ZNF253: variants seen among roughly 807,000 people sequenced by gnomAD.
ZNF253 encodes the protein zinc finger protein 253.
Under a neutral mutation model 11.9 loss-of-function variants are expected in ZNF253, and 8 were observed. That is an observed-to-expected ratio of 0.67 (90% CI 0.40 to 1.22). The LOEUF is 1.22. Ranked by LOEUF, ZNF253 falls within the 50% of genes most tolerant of loss-of-function variation. The pLI, the probability that ZNF253 is intolerant of heterozygous loss-of-function variation, is 0.01. For synonymous variants in ZNF253, 194 were observed against 194.9 expected (o/e 1.00, Z 0.04); for missense variants, 485 against 586.9 (o/e 0.83, Z 1.79).
rs1335370236 is a variant in ZNF253, at chr19:19,866,018, G to A, written c.3+19G>A. On this transcript the variant is annotated intron_variant, in intron 1 of 3. Coordinates refer to ENST00000589717, the MANE Select transcript of ZNF253 (RefSeq NM_021047.3). ...AGAAATGGTGAGTGCCGGGTCCAACGTCCCGAGAGAGGGGAGAGGCTGTTT... is the reference window on the plus strand; with the variant it reads ...AGAAATGGTGAGTGCCGGGTCCAACATCCCGAGAGAGGGGAGAGGCTGTTT... The A allele has an allele frequency of 6.2e-7, 1 of 1,614,024 alleles. No individual in the cohort carries two copies. The highest frequency in any genetic ancestry group is 1.7e-5 in the Admixed American group (1 of 59,996).
Position 19,892,460 on chromosome 19 carries a change from T to G in ZNF253, c.1213T>G (p.Phe405Val). Residue 405 changes from phenylalanine to valine, a missense_variant, in exon 4 of 4, where the codon TTT (phenylalanine) becomes GTT (valine). Physicochemically the swap from Phe to Val is conservative, Grantham distance 50 (BLOSUM62 -1). Transcript: ENST00000589717. ...PYKCDECGKT[F>V]TWPSILSKHK... The stretch of plus-strand genomic sequence containing the variant: ...CAAATGTGATGAATGTGGCAAAACC[T>G]TTACCTGGCCCTCAATCCTCTCCAA... 1 of 1,613,862 alleles carries G rather than the reference T, an allele frequency of 6.2e-7. No homozygotes were observed.
intron 3 of ZNF253, among the ~76,000 whole-genome samples, chr19:19,881,765 A>G (rs953879158): frequency 5.3e-5 from 8 of 151,818 alleles, no homozygotes; most frequent in African/African-American, 1.7e-4. Context: ...TATACTGTTT[A>G]TGGTTTTTTA....
rs577978059 is a variant in ZNF253, at chr19:19,889,859, C to T, written c.227-1615C>T. ...TTCACCATGTTGGCCAGGCTGGTCT[C>T]AAACTCCTGACCTCATGTGATTTTC... On this transcript the variant is annotated intron_variant, in intron 3 of 3. Coordinates refer to ENST00000589717, the MANE Select transcript of ZNF253 (RefSeq NM_021047.3). 7.2e-4 allele frequency among the ~76,000 whole-genome samples: 110 copies of T among 152,238 alleles called. 1 individual carries two copies. Among genetic ancestry groups the T allele is most frequent in the African/African-American group, 2.6e-3 (108 of 41,548 alleles).
intron 1 of ZNF253, among the ~76,000 whole-genome samples, chr19:19,869,706 G>C (rs1256550502): frequency 9.1e-6 from 1 of 109,444 alleles, no homozygotes; most frequent in Non-Finnish European, 1.7e-5. Flanking sequence ...GTCTTACTCT[G>C]TTGCCCAGGC....
At chr19:19,874,122 CT>C (rs2063145240) in intron 1 of ZNF253, among the ~76,000 whole-genome samples, 1 of 152,076 alleles carries the variant, frequency 6.6e-6, no homozygotes, top group African/African-American at 2.4e-5. Context: ...GATGGTCAGG[CT>C]GGTCTTTAAC....
chr19:19,886,616 C>T (rs1454871085), intron 3 of ZNF253, among the ~76,000 whole-genome samples: 1 of 152,088 alleles, frequency 6.6e-6, no homozygotes, highest in East Asian at 1.9e-4. Flanking sequence ...GAACCTGGGT[C>T]CTTCACCTCA....
intron 3 of ZNF253, among the ~76,000 whole-genome samples, chr19:19,884,250 G>T (rs182249197): frequency 2.0e-5 from 3 of 152,068 alleles, no homozygotes; most frequent in African/African-American, 7.2e-5. Flanking sequence ...ATAAATCAAG[G>T]GACATCTGGG....
rs1555777041 is a variant in ZNF253, at chr19:19,872,587, A to ATATATATATATATATTAT, written c.4-5880_4-5879insTTATTATATATATATATA. Among the ~76,000 whole-genome samples the ATATATATATATATATTAT allele has an allele frequency of 9.8e-4, 128 of 130,568 alleles. 1 individual carries two copies. The highest frequency in any genetic ancestry group is 4.4e-3 in the African/African-American group (120 of 27,360). The allele number at this position is 130,568 out of a possible 152,430, so 85.7% of individuals were successfully genotyped here. A position where few individuals can be genotyped will look rare whatever the true frequency, so the allele number is the denominator to read the frequency against. On this transcript the variant is annotated intron_variant, in intron 1 of 3. Transcript: ENST00000589717. ...TATATATATATATATATATTATTAT[A>ATATATATATATATATTAT]TATATATATATATAATCAAGTTTAT...
chr19:19,881,307 A>C (rs2063176916), intron 3 of ZNF253, among the ~76,000 whole-genome samples: 1 of 151,840 alleles, frequency 6.6e-6, no homozygotes, highest in African/African-American at 2.4e-5. Flanking sequence ...AGTTTGTTTT[A>C]AGTGTATGAA....
intron 1 of ZNF253, among the ~76,000 whole-genome samples, chr19:19,876,073 G>A (rs1245975251): frequency 6.6e-6 from 1 of 152,178 alleles, no homozygotes; most frequent in African/African-American, 2.4e-5. Context: ...ATGGAGTTGG[G>A]TTGTCTTTAT....
intron 3 of ZNF253, among the ~76,000 whole-genome samples, chr19:19,890,876 CTG>C (rs1278131251): frequency 8.4e-6 from 1 of 118,896 alleles, no homozygotes; most frequent in African/African-American, 3.4e-5. Context: ...GCGTCTCACT[CTG>C]TTGCCCAGGC....
At chr19:19,884,694 G>A (rs2063191425) in intron 3 of ZNF253, among the ~76,000 whole-genome samples, 1 of 152,042 alleles carries the variant, frequency 6.6e-6, no homozygotes, top group Non-Finnish European at 1.5e-5. Flanking sequence ...TTTAGATATA[G>A]ATTTATAAAT....
At position 19,868,239 on chromosome 19, in the gene ZNF253, T is replaced by G. The variant is rs192708383; in HGVS notation, c.3+2240T>G. 4.6e-5 allele frequency among the ~76,000 whole-genome samples: 7 copies of G among 152,244 alleles called. No homozygotes were observed. In the East Asian group the frequency reaches 1.3e-3, roughly 29 times the overall value. On this transcript the variant is annotated intron_variant, in intron 1 of 3. Coordinates refer to ENST00000589717, the MANE Select transcript of ZNF253 (RefSeq NM_021047.3). Reference sequence around the variant, plus strand: ...ATTTTTGCTTTTGTTGCAATTGCTTTTGGTAGCTTCATCATGAAGTGTTTG... The same window carrying G: ...ATTTTTGCTTTTGTTGCAATTGCTTGTGGTAGCTTCATCATGAAGTGTTTG...
intron 3 of ZNF253, among the ~76,000 whole-genome samples, chr19:19,885,314 CTT>C (rs376538643): frequency 1.7e-5 from 1 of 59,592 alleles, no homozygotes; most frequent in Non-Finnish European, 2.6e-5. Flanking sequence ...TTCTTTCTTT[CTT>C]TCTTTCTTTC....
chr19:19,890,498 T>TTGTGTGTGTGTG lies in ZNF253; in HGVS notation c.227-943_227-932dup, dbSNP rs35114806. ...GAAACCAGGAGTTGGCAATTTATAT[T>TTGTGTGTGTGTG]TGTGTGTGTGTGTGTGTGTGTGTGT... On this transcript the variant is annotated intron_variant, in intron 3 of 3. Coordinates refer to ENST00000589717, the MANE Select transcript of ZNF253 (RefSeq NM_021047.3). Among the ~76,000 whole-genome samples, 433 of 141,028 alleles carry TTGTGTGTGTGTG rather than the reference T, an allele frequency of 3.1e-3. 3 individuals are homozygous for TTGTGTGTGTGTG. Among genetic ancestry groups the TTGTGTGTGTGTG allele is most frequent in the African/African-American group, 7.9e-3 (300 of 37,850 alleles). The allele number at this position is 141,028 out of a possible 152,430, so 92.5% of individuals were successfully genotyped here.
rs1052705868 is a variant in ZNF253, at chr19:19,892,816, A to C, written c.*69A>C. The C allele has an allele frequency of 2.1e-6, 3 of 1,398,986 alleles. No homozygotes were observed. Among genetic ancestry groups the C allele is most frequent in the Non-Finnish European group, 2.9e-6 (3 of 1,027,842 alleles). 86.7% of individuals were successfully genotyped at this position (1,398,986 alleles called of 1,614,324 possible). On this transcript the variant is annotated 3_prime_UTR_variant, in exon 4 of 4. Coordinates refer to ENST00000589717, the MANE Select transcript of ZNF253 (RefSeq NM_021047.3). The stretch of plus-strand genomic sequence containing the variant: ...AGCCTTTAACCAGCCCTCGACTCTT[A>C]GTAAATTTGAGAGTTTATATGGAAC...
At chr19:19,872,789 T>C (rs1183163974) in intron 1 of ZNF253, among the ~76,000 whole-genome samples, 4 of 151,798 alleles carry the variant, frequency 2.6e-5, no homozygotes, top group Non-Finnish European at 5.9e-5. Context: ...TGTCTACTTA[T>C]ATTCATGTTG....
At chr19:19,874,784 C>T (rs2063148090) in intron 1 of ZNF253, among the ~76,000 whole-genome samples, 3 of 151,808 alleles carry the variant, frequency 2.0e-5, no homozygotes, top group Non-Finnish European at 2.9e-5. Context: ...TGGTGGTGGG[C>T]GCCTGTAGTC....
At position 19,892,927 on chromosome 19, in the gene ZNF253, GC is replaced by G. The variant is rs1414768739; in HGVS notation, c.*183del. On this transcript the variant is annotated 3_prime_UTR_variant, in exon 4 of 4. Transcript: ENST00000589717. Reference sequence around the variant, plus strand: ...TACACATAATTCATACCAAACAGAAGCCCTACAAGTGTGAAGAATGTGGCAA... The same window carrying G: ...TACACATAATTCATACCAAACAGAAGCCTACAAGTGTGAAGAATGTGGCAA... 5 of 547,596 alleles carry G rather than the reference GC, an allele frequency of 9.1e-6. No homozygotes were observed. In the East Asian group the frequency reaches 1.6e-4, roughly 18 times the overall value. 33.9% of individuals were successfully genotyped at this position (547,596 alleles called of 1,614,324 possible).
Sources: allele counts gnomAD v4.1 joint callset (sites outside exome capture counted in the v4.1 genomes callset), GRCh38; gene constraint gnomAD v4.1.1; transcripts MANE v1.5; gene names NCBI Gene and HGNC (gene_info 2026-07-23, HGNC 2026-07-21).